The following ZFR variants were observed in gnomAD, a reference collection of about 807,000 sequenced individuals.
The protein encoded by ZFR is zinc finger RNA binding protein, also known as zinc finger RNA-binding protein.
Under a neutral mutation model 130.7 loss-of-function variants are expected in ZFR, and 19 were observed. The ratio of observed to expected loss-of-function variants is 0.15; its 90% confidence interval spans 0.10 to 0.21. ZFR has a LOEUF of 0.21. Ranked by LOEUF, ZFR falls within the 10% of genes least tolerant of loss-of-function variation. The pLI is 1.00. For missense variants in ZFR, 872 were observed against 1,321.5 expected, an observed-to-expected ratio of 0.66 and a Z score of 5.27; for synonymous variants, 466 against 456.9, an observed-to-expected ratio of 1.02 and a Z score of -0.25.
intron 2 of ZFR, among the ~76,000 whole-genome samples, chr5:32,430,435 G>A (rs1754180485): frequency 6.6e-6 from 1 of 151,950 alleles, no homozygotes; most frequent in South Asian, 2.1e-4. Flanking sequence ...AGGAAGAGAT[G>A]AAAAACATTA....
chr5:32,365,088 T>G (rs1467110519), intron 17 of ZFR: 1 of 152,230 alleles, frequency 6.6e-6, no homozygotes, highest in Non-Finnish European at 1.5e-5. Flanking sequence ...ACAAATGGAA[T>G]CATGTAATAC....
chr5:32,399,355 T>A (rs1484054090), intron 9 of ZFR, among the ~76,000 whole-genome samples: 2 of 152,196 alleles, frequency 1.3e-5, no homozygotes, highest in African/African-American at 4.8e-5. Context: ...CTTTATTTCA[T>A]CTACTCTTCA....
intron 19 of ZFR, among the ~76,000 whole-genome samples, chr5:32,357,033 G>C (rs896766377): frequency 2.6e-5 from 4 of 152,144 alleles, no homozygotes; most frequent in African/African-American, 9.7e-5. Flanking sequence ...CTGTTGCCCA[G>C]GCTGGAGTGC....
At chr5:32,437,879 GTCCT>G (rs1299532959) in intron 2 of ZFR, among the ~76,000 whole-genome samples, 3 of 151,988 alleles carry the variant, frequency 2.0e-5, no homozygotes, top group Admixed American at 6.6e-5. Context: ...GATATTACAA[GTCCT>G]TCCTTATCAT....
At chr5:32,359,992 T>TA (rs1189549854) in intron 19 of ZFR, among the ~76,000 whole-genome samples, 1 of 151,590 alleles carries the variant, frequency 6.6e-6, no homozygotes, top group Non-Finnish European at 1.5e-5. Context: ...ACTTCATGAA[T>TA]AAAAATAAAC....
intron 19 of ZFR, among the ~76,000 whole-genome samples, chr5:32,362,595 G>A (rs946038128): frequency 1.3e-5 from 2 of 152,108 alleles, no homozygotes; most frequent in African/African-American, 4.8e-5. Flanking sequence ...AATCAAGATG[G>A]GTAACTGTTC....
chr5:32,379,111 T>C lies in ZFR; in HGVS notation c.2835+4A>G. 1.2e-6 allele frequency: 2 copies of C among 1,609,176 alleles called. No individual in the cohort carries two copies. Among genetic ancestry groups the C allele is most frequent in the South Asian group, 2.2e-5 (2 of 90,966 alleles). Reference sequence around the variant, plus strand: ...TTTACACCATACAGTTACGTACTACTTACCCAGCTTGGAAAATCAGACCAA... The same window carrying C: ...TTTACACCATACAGTTACGTACTACCTACCCAGCTTGGAAAATCAGACCAA... On this transcript the variant is annotated splice_donor_region_variant and intron_variant, in intron 17 of 19. Transcript: ENST00000265069.
Position 32,419,928 on chromosome 5 carries a change from C to G in ZFR, c.313G>C (p.Ala105Pro). Residue 105 changes from alanine to proline, a missense_variant, in exon 3 of 20, where the codon GCT (alanine) becomes CCT (proline). Around this residue, in one of 7 missense-constraint regions of ZFR, gnomAD observed 240 missense variants for 441.2 expected, o/e 0.54. Coordinates refer to ENST00000265069, the MANE Select transcript of ZFR (RefSeq NM_016107.5). ...TGTGCAGTGGGGTAGCCTCCATAAG[C>G]AGCAGCTGTTGCAGCAGCTGCAACA... ...VAVAAAATAAAYGGYPTAHTA... is the reference protein window; with the variant it reads ...VAVAAAATAAPYGGYPTAHTA... 2 of 1,613,950 alleles carry G rather than the reference C, an allele frequency of 1.2e-6. No homozygotes were observed. Among genetic ancestry groups the G allele is most frequent in the Non-Finnish European group, 1.7e-6 (2 of 1,179,960 alleles).
chr5:32,402,999 G>C, intron 8 of ZFR, 107 bp downstream of exon 8: 1 of 1,099,208 alleles, frequency 9.1e-7, no homozygotes, highest in Non-Finnish European at 1.3e-6. Flanking sequence ...GTCCCAGAGA[G>C]AAGGGAGGAG....
intron 17 of ZFR, among the ~76,000 whole-genome samples, chr5:32,369,147 G>C (rs1329276373): frequency 2.6e-5 from 4 of 152,172 alleles, no homozygotes; most frequent in African/African-American, 9.6e-5. Context: ...CAGTTAAATA[G>C]ATGATTTTTG....
chr5:32,435,627 T>C (rs1233713979), intron 2 of ZFR, among the ~76,000 whole-genome samples: 4 of 152,224 alleles, frequency 2.6e-5, no homozygotes, highest in South Asian at 4.1e-4. Context: ...TACATGGTTA[T>C]TGTTTAAACA....
intron 8 of ZFR, among the ~76,000 whole-genome samples, chr5:32,402,784 G>GAAAAAAAAA (rs34053562): frequency 3.0e-5 from 4 of 133,680 alleles, no homozygotes; most frequent in African/African-American, 2.8e-5. Flanking sequence ...TCTCAAAAAT[G>GAAAAAAAAA]AAAAAAAAAA....
Position 32,406,933 on chromosome 5 carries a change from T to C in ZFR, c.873A>G (p.Ala291=). The C allele has an allele frequency of 1.2e-6, 2 of 1,601,664 alleles. No homozygotes were observed. The highest frequency in any genetic ancestry group is 1.1e-5 in the South Asian group (1 of 88,930). ...QQQQQQQKQA[A]AAAAAAAATA... is the part of the protein sequence containing the mutation. ...TTGCAGCAGCAGCAGCAGCTGCTGC[T>C]GCTGCCTGCTTCTGTTGCTGCTGCT... The change falls in exon 6 of 20, where the codon GCA becomes GCG. Residue 291 remains alanine, a synonymous_variant. Transcript: ENST00000265069.
intron 15 of ZFR, among the ~76,000 whole-genome samples, 175 bp downstream of exon 15, chr5:32,385,333 G>A (rs1753021728): frequency 6.6e-6 from 1 of 151,978 alleles, no homozygotes; most frequent in Non-Finnish European, 1.5e-5. Context: ...TCACTAAAAA[G>A]AGCATTTACT....
Position 32,354,579 on chromosome 5 carries a change from G to C in ZFR, c.*1181C>G, listed in dbSNP as rs1253655777. 1 of 152,596 alleles carries C rather than the reference G, an allele frequency of 6.6e-6. No individual in the cohort carries two copies. Among genetic ancestry groups the C allele is most frequent in the Non-Finnish European group, 1.5e-5 (1 of 68,022 alleles). The allele number at this position is 152,596 out of a possible 1,614,324, so 9.5% of individuals were successfully genotyped here. On this transcript the variant is annotated 3_prime_UTR_variant, in exon 20 of 20. Transcript: ENST00000265069. Reference sequence around the variant, plus strand: ...CTGCTAGAATATTTAGCTTTGTGTAGGAGACATAAGCAGGTAAGATGGCCA... The same window carrying C: ...CTGCTAGAATATTTAGCTTTGTGTACGAGACATAAGCAGGTAAGATGGCCA...
chr5:32,373,541 A>T (rs554183095), intron 17 of ZFR, among the ~76,000 whole-genome samples: 120 of 152,332 alleles, frequency 7.9e-4, no homozygotes, highest in African/African-American at 2.8e-3. Context: ...CTACAGAATA[A>T]ATCAATGAAT....
At chr5:32,396,324 G>A (rs1753310334) in intron 10 of ZFR, among the ~76,000 whole-genome samples, 1 of 152,012 alleles carries the variant, frequency 6.6e-6, no homozygotes, top group Admixed American at 6.5e-5. Flanking sequence ...AAATGTCTAT[G>A]TTGGGGTTAA....
At chr5:32,442,357 C>T (rs1754492855) in intron 2 of ZFR, among the ~76,000 whole-genome samples, 1 of 152,162 alleles carries the variant, frequency 6.6e-6, no homozygotes, top group African/African-American at 2.4e-5. Context: ...ATTATTAGCC[C>T]TACTAAAATC....
intron 4 of ZFR, 41 bp downstream of exon 4, chr5:32,417,607 C>T: frequency 6.2e-7 from 1 of 1,604,840 alleles, no homozygotes. Flanking sequence ...TCATATACTT[C>T]AATAGTTTAC....
Sources: allele counts gnomAD v4.1 joint callset (sites outside exome capture counted in the v4.1 genomes callset), GRCh38; gene constraint gnomAD v4.1.1; regional missense constraint gnomAD v4.1.1; transcripts MANE v1.5; gene names NCBI Gene and HGNC (gene_info 2026-07-23, HGNC 2026-07-21).